DVL1: variants seen among roughly 807,000 people sequenced by gnomAD.
The protein encoded by DVL1 is segment polarity protein dishevelled homolog DVL-1.
Under a neutral mutation model 65.0 loss-of-function variants are expected in DVL1, and 49 were observed. The observed-to-expected ratio is 0.75, with a 90% CI of 0.60 to 0.96. DVL1 has a LOEUF of 0.96. DVL1 is among the 40% of genes least tolerant of loss of function. The pLI, the probability that DVL1 is intolerant of heterozygous loss-of-function variation, is 0.00. For missense variants in DVL1, 1,197 were observed against 1,045.4 expected, an observed-to-expected ratio of 1.15 and a Z score of -2.00; for synonymous variants, 608 against 433.9, an observed-to-expected ratio of 1.40 and a Z score of -4.99.
At chr1:1,348,804 C>T in intron 1 of DVL1, 92 bp downstream of exon 1, 2 of 1,122,034 alleles carry the variant, frequency 1.8e-6, no homozygotes, top group Non-Finnish European at 2.2e-6. Flanking sequence ...CCCGGGGGCG[C>T]GAACGGCTCA....
intron 5 of DVL1, 80 bp from the exon 6 acceptor site, chr1:1,340,583 G>A: frequency 2.1e-6 from 3 of 1,444,486 alleles, no homozygotes; most frequent in Non-Finnish European, 1.9e-6. Context: ...ATACTGAGTG[G>A]GAATCGGGGG....
Position 1,336,310 on chromosome 1 carries a change from C to A in DVL1, c.1920G>T (p.Gly640=), listed in dbSNP as rs1643570060. 6.4e-7 allele frequency: 1 copy of A among 1,565,890 alleles called. No homozygotes were observed. Among genetic ancestry groups the A allele is most frequent in the Non-Finnish European group, 8.6e-7 (1 of 1,162,716 alleles). Reference sequence around the variant, plus strand: ...TGGTCGTGGGGTGGGGCGGGGGGAGCCCCGGGGCGGTAGCCGAGGCCTGAC... The same window carrying A: ...TGGTCGTGGGGTGGGGCGGGGGGAGACCCGGGGCGGTAGCCGAGGCCTGAC... ...PRSQASATAP[G]LPPPHPTTKA... Residue 640 remains glycine (G), a synonymous_variant, in exon 15 of 15, where the codon GGG becomes GGT. Transcript: ENST00000378888.
chr1:1,342,620 C>A, intron 2 of DVL1, 69 bp downstream of exon 2: 1 of 1,594,094 alleles, frequency 6.3e-7, no homozygotes, highest in Non-Finnish European at 8.6e-7. Flanking sequence ...CCCACCGCCT[C>A]CCCCAGGAAG....
chr1:1,338,380 C>A lies in DVL1; in HGVS notation c.1396G>T (p.Glu466Ter). 6.2e-7 allele frequency: 1 copy of A among 1,612,726 alleles called. No individual in the cohort carries two copies. Among genetic ancestry groups the A allele is most frequent in the Non-Finnish European group, 8.5e-7 (1 of 1,179,890 alleles). The stretch of plus-strand genomic sequence containing the variant: ...AAGCTGCTGGCGTACTTCCGGGCCT[C>A]CCGCCGCTCCTTGAAGCCCTCCACG... ...THVEGFKERR[E>*]ARKYASSLLK... Residue 466 changes from glutamate to a stop codon, truncating the protein, a stop_gained, in exon 13 of 15, where the codon GAG (glutamate) becomes TAG (stop). Coordinates refer to ENST00000378888, the MANE Select transcript of DVL1 (RefSeq NM_001330311.2). LOFTEE classifies it high-confidence loss of function.
chr1:1,336,481 G>A lies in DVL1; in HGVS notation c.1749C>T (p.Arg583=), dbSNP rs953280751. The change falls in exon 15 of 15, where the codon CGC becomes CGT. Residue 583 remains arginine (R), a synonymous_variant. Coordinates refer to ENST00000378888, the MANE Select transcript of DVL1 (RefSeq NM_001330311.2). ...SKSSGSTRSS[R]RAPGREKERR... ...GCTCCTTCTCACGGCCCGGGGCCCGGCGGCTGCTCCGGGTGGACCCACTGC... is the reference window on the plus strand; with the variant it reads ...GCTCCTTCTCACGGCCCGGGGCCCGACGGCTGCTCCGGGTGGACCCACTGC... 2 of 1,548,270 alleles carry A rather than the reference G, an allele frequency of 1.3e-6. No individual in the cohort carries two copies. Among genetic ancestry groups the A allele is most frequent in the Admixed American group, 3.8e-5 (2 of 51,988 alleles).
chr1:1,338,775 G>A lies in DVL1; in HGVS notation c.1208-122C>T, dbSNP rs2100721430. 35 of 1,430,898 alleles carry A rather than the reference G, an allele frequency of 2.4e-5. No homozygotes were observed. In the South Asian group the frequency reaches 4.8e-4, roughly 20 times the overall value. 88.6% of individuals were successfully genotyped at this position (1,430,898 alleles called of 1,614,324 possible). A position where few individuals can be genotyped will look rare whatever the true frequency, so the allele number is the denominator to read the frequency against. On this transcript the variant is annotated intron_variant, in intron 11 of 14. Coordinates refer to ENST00000378888, the MANE Select transcript of DVL1 (RefSeq NM_001330311.2). ...CCAGGGCGCAAGCTGGACGGTGCGT[G>A]ACAGCAGGGCCCCGGCCCACTGCAG... is the stretch of plus-strand genomic sequence containing the variant.
At position 1,336,084 on chromosome 1, in the gene DVL1, G is replaced by C. The variant is rs938582015; in HGVS notation, c.*58C>G. 1.6e-5 allele frequency: 24 copies of C among 1,541,856 alleles called. No homozygotes were observed. The African/African-American group carries it at 3.0e-4, about 19-fold the overall frequency. On this transcript the variant is annotated 3_prime_UTR_variant, in exon 15 of 15. Transcript: ENST00000378888. Reference sequence around the variant, plus strand: ...ACGAAGGCAAGCCCACGCGAGCTCTGCATGCGGCAGGACCGCCAGCTCCCC... The same window carrying C: ...ACGAAGGCAAGCCCACGCGAGCTCTCCATGCGGCAGGACCGCCAGCTCCCC...
chr1:1,340,950 C>G (rs1350596764), intron 5 of DVL1, among the ~76,000 whole-genome samples: 1 of 148,214 alleles, frequency 6.7e-6, no homozygotes, highest in Non-Finnish European at 1.5e-5. Flanking sequence ...CACACACGCA[C>G]CCCTGCACAC....
intron 1 of DVL1, among the ~76,000 whole-genome samples, chr1:1,343,341 G>A (rs1002468853): frequency 6.0e-5 from 9 of 150,522 alleles, no homozygotes; most frequent in East Asian, 2.0e-4. Context: ...TGCACCTACC[G>A]GGCCCCAAGG....
chr1:1,338,404 C>G lies in DVL1; in HGVS notation c.1372G>C (p.Val458Leu), dbSNP rs1463876886. 6.2e-7 allele frequency: 1 copy of G among 1,612,610 alleles called. No individual in the cohort carries two copies. Among genetic ancestry groups the G allele is most frequent in the Non-Finnish European group, 8.5e-7 (1 of 1,179,862 alleles). The change falls in exon 13 of 15, where the codon GTG becomes CTG. Residue 458 changes from valine (V) to leucine (L), a missense_variant. Physicochemically the swap from Val to Leu is conservative, Grantham distance 32. Transcript: ENST00000378888. ...TCCCGCCGCTCCTTGAAGCCCTCCA[C>G]GTGTGTGTACAGCCAGTCCACCACG... ...ADVVDWLYTH[V>L]EGFKERREAR...
At position 1,337,985 on chromosome 1, in the gene DVL1, T is replaced by G. The variant is rs201374747; in HGVS notation, c.1706A>C (p.Gln569Pro). 2 of 1,611,220 alleles carry G rather than the reference T, an allele frequency of 1.2e-6. No homozygotes were observed. Among genetic ancestry groups the G allele is most frequent in the South Asian group, 2.2e-5 (2 of 90,964 alleles). Residue 569 changes from glutamine to proline, a missense_variant, in exon 14 of 15, where the codon CAG (glutamine) becomes CCG (proline). By Grantham distance (76) the Gln-to-Pro change is moderately conservative (BLOSUM62 -1). Coordinates refer to ENST00000378888, the MANE Select transcript of DVL1 (RefSeq NM_001330311.2). ...AGGGGCGGCGTTCTCACCTTCACTCTGCTGACTCCCGGTGCTGCCGCTGCC... is the reference window on the plus strand; with the variant it reads ...AGGGGCGGCGTTCTCACCTTCACTCGGCTGACTCCCGGTGCTGCCGCTGCC... ...SYGSGSTGSQ[Q>P]SEGSKSSGST...
chr1:1,336,829 C>T (rs1436907555), intron 14 of DVL1, among the ~76,000 whole-genome samples: 1 of 152,186 alleles, frequency 6.6e-6, no homozygotes, highest in African/African-American at 2.4e-5. Flanking sequence ...AGCGAGGGCC[C>T]CTCATGCCCG....
intron 10 of DVL1, 44 bp from the exon 11 acceptor site, chr1:1,339,483 G>T: frequency 6.5e-7 from 1 of 1,544,356 alleles, no homozygotes; most frequent in Non-Finnish European, 8.7e-7. Context: ...CAGATGGACA[G>T]GGTGGGAGGG....
At position 1,348,875 on chromosome 1, in the gene DVL1, C is replaced by T. The variant is rs764176870; in HGVS notation, c.170+21G>A. The T allele has an allele frequency of 2.0e-6, 3 of 1,516,202 alleles. No homozygotes were observed. The East Asian group carries it at 8.5e-5, about 43-fold the overall frequency. The allele number at this position is 1,516,202 out of a possible 1,614,324, so 93.9% of individuals were successfully genotyped here. A position where few individuals can be genotyped will look rare whatever the true frequency, so the allele number is the denominator to read the frequency against. On this transcript the variant is annotated intron_variant, in intron 1 of 14. Transcript: ENST00000378888. ...CCCCCGAGCCCGCGCCAGGCTCGCGCAGGCCTCGCGGCCGACTGACCCGAA... is the reference window on the plus strand; with the variant it reads ...CCCCCGAGCCCGCGCCAGGCTCGCGTAGGCCTCGCGGCCGACTGACCCGAA...
rs1470078086 is a variant in DVL1, at chr1:1,340,246, C to T, written c.769+1G>A. The stretch of plus-strand genomic sequence containing the variant: ...CCCCAACCCTCGCCCCGAGGCCTCA[C>T]CCATGTTGAGCGTGACAGTGACGAT... On this transcript the variant is annotated splice_donor_variant, in intron 7 of 14. Transcript: ENST00000378888. LOFTEE classifies it high-confidence loss of function. The T allele has an allele frequency of 6.2e-7, 1 of 1,613,990 alleles. No individual in the cohort carries two copies. The highest frequency in any genetic ancestry group is 1.7e-5 in the Admixed American group (1 of 60,026).
rs374630299 is a variant in DVL1, at chr1:1,341,621, G to A, written c.605+46C>T. 5.8e-6 allele frequency: 9 copies of A among 1,561,978 alleles called. No individual in the cohort carries two copies. The South Asian group carries it at 8.2e-5, about 14-fold the overall frequency. On this transcript the variant is annotated intron_variant, in intron 5 of 14. Transcript: ENST00000378888. ...ACATGCACATCATGTACAGACATTT[G>A]CAAGTGGGCACACAGGCATACACGC...
intron 5 of DVL1, among the ~76,000 whole-genome samples, chr1:1,341,013 C>A (rs778270788): frequency 6.8e-6 from 1 of 147,226 alleles, no homozygotes; most frequent in Non-Finnish European, 1.5e-5. Context: ...TGCACACGCA[C>A]CCCTGCACAA....
Position 1,336,247 on chromosome 1 carries a change from G to A in DVL1, c.1983C>T (p.Pro661=). 1 of 1,558,292 alleles carries A rather than the reference G, an allele frequency of 6.4e-7. No homozygotes were observed. Among genetic ancestry groups the A allele is most frequent in the Non-Finnish European group, 8.6e-7 (1 of 1,157,770 alleles). ...GGACGGCAGCCAGCTCCCGGACAGG[G>A]GGTCCCCCGGGTGGCCCCCCCACCA... ...YTVVGGPPGG[P]PVRELAAVPP... Residue 661 remains proline (P), a synonymous_variant, in exon 15 of 15, where the codon CCC becomes CCT. Coordinates refer to ENST00000378888, the MANE Select transcript of DVL1 (RefSeq NM_001330311.2).
chr1:1,341,732 G>A lies in DVL1; in HGVS notation c.540C>T (p.Thr180=), dbSNP rs369864312. 47 of 1,610,718 alleles carry A rather than the reference G, an allele frequency of 2.9e-5. No individual in the cohort carries two copies. The highest frequency in any genetic ancestry group is 5.5e-5 in the South Asian group (5 of 90,748). ...DVGLPPDSAS[T]ALSSELESSS... is the part of the protein sequence containing the mutation. ...TGGACTCAAGCTCGCTGCTGAGGGC[G>A]GTGGACGCGCTGTCTGGGGGCAGCC... Residue 180 remains threonine (T), a synonymous_variant, in exon 5 of 15, where the codon ACC becomes ACT. Transcript: ENST00000378888.
Sources: allele counts gnomAD v4.1 joint callset (sites outside exome capture counted in the v4.1 genomes callset), GRCh38; gene constraint gnomAD v4.1.1; transcripts MANE v1.5; gene names NCBI Gene and HGNC (gene_info 2026-07-23, HGNC 2026-07-21).